TTC39A: variants seen among roughly 807,000 people sequenced by gnomAD.
TTC39A encodes tetratricopeptide repeat domain 39A.
In TTC39A, 46 loss-of-function variants were observed where a neutral mutation model predicts 82.3. That is an observed-to-expected ratio of 0.56 (90% CI 0.44 to 0.71). TTC39A has a LOEUF of 0.71. Ranked by LOEUF, TTC39A falls within the 30% of genes least tolerant of loss-of-function variation. The pLI is 0.00. For missense variants in TTC39A, 543 were observed against 712.9 expected, an observed-to-expected ratio of 0.76 and a Z score of 2.71; for synonymous variants, 254 against 275.2, an observed-to-expected ratio of 0.92 and a Z score of 0.76.
intron 2 of TTC39A, among the ~76,000 whole-genome samples, chr1:51,314,444 A>G (rs1365688878): frequency 6.6e-6 from 1 of 152,242 alleles, no homozygotes; most frequent in Non-Finnish European, 1.5e-5. Flanking sequence ...TTCAGAGGAA[A>G]GAGAGATGAC....
At chr1:51,340,612 G>T (rs904794393) in intron 1 of TTC39A, among the ~76,000 whole-genome samples, 1 of 152,170 alleles carries the variant, frequency 6.6e-6, no homozygotes, top group African/African-American at 2.4e-5. Flanking sequence ...AACAGTGATT[G>T]GTTGAAGGAA....
chr1:51,318,128 C>A (rs368170294), intron 2 of TTC39A, among the ~76,000 whole-genome samples: 1 of 152,204 alleles, frequency 6.6e-6, no homozygotes, highest in African/African-American at 2.4e-5. Flanking sequence ...TGAGGCATGG[C>A]CTTATCGGGG....
intron 1 of TTC39A, among the ~76,000 whole-genome samples, chr1:51,322,750 C>G (rs144723415): frequency 6.6e-6 from 1 of 152,134 alleles, no homozygotes; most frequent in Non-Finnish European, 1.5e-5. Flanking sequence ...TCTCAAGGGG[C>G]CTCCTTTGAG....
At chr1:51,299,425 G>A (rs1644567467) in intron 12 of TTC39A, 2 of 152,254 alleles carry the variant, frequency 1.3e-5, no homozygotes, top group Admixed American at 1.3e-4. Flanking sequence ...TCCTGGCAGA[G>A]GGGGGCGCTG....
chr1:51,312,975 C>A (rs1645141553), intron 2 of TTC39A, 32 bp from the exon 3 acceptor site: 1 of 1,601,164 alleles, frequency 6.2e-7, no homozygotes, highest in Non-Finnish European at 8.5e-7. Flanking sequence ...GAGAGCACCA[C>A]CTTATAGAGC....
chr1:51,305,193 C>A, intron 7 of TTC39A, 47 bp from the exon 8 acceptor site: 1 of 1,582,370 alleles, frequency 6.3e-7, no homozygotes, highest in Non-Finnish European at 8.7e-7. Flanking sequence ...CCAGAGTGGG[C>A]AGGGGCCACC....
intron 2 of TTC39A, among the ~76,000 whole-genome samples, chr1:51,316,194 G>A (rs1645276524): frequency 2.0e-5 from 3 of 152,238 alleles, no homozygotes; most frequent in Non-Finnish European, 2.9e-5. Context: ...GGGCCCAGGA[G>A]GGCGCTCAAA....
intron 11 of TTC39A, 112 bp downstream of exon 11, chr1:51,302,245 C>A (rs1385649222): frequency 1.3e-4 from 75 of 570,572 alleles, no homozygotes; most frequent in Non-Finnish European, 2.4e-4. Flanking sequence ...TCTTGGCCCC[C>A]CCCCCGCCCC....
At chr1:51,315,026 C>A (rs1645232658) in intron 2 of TTC39A, among the ~76,000 whole-genome samples, 1 of 152,072 alleles carries the variant, frequency 6.6e-6, no homozygotes, top group Non-Finnish European at 1.5e-5. Context: ...AGATAACACC[C>A]CCAGCCCCCA....
In TTC39A at chr1:51,294,553, C is replaced by T. The variant is rs189537751; in HGVS notation, c.1146-42G>A. On this transcript the variant is annotated intron_variant, in intron 13 of 17. Coordinates refer to ENST00000680483, the MANE Select transcript of TTC39A (RefSeq NM_001297663.2). This position sits in a 1 kb window ranked among gnomAD's most constrained non-coding sequence, Gnocchi z 4.3. Reference sequence around the variant, plus strand: ...GAGGGTGGGAGAGGATGAAAAAGAGCAGGAGAGGGCAGAGGGTCCCCAGCC... The same window carrying T: ...GAGGGTGGGAGAGGATGAAAAAGAGTAGGAGAGGGCAGAGGGTCCCCAGCC... The T allele has an allele frequency of 8.5e-4, 1,362 of 1,611,492 alleles. 13 individuals are homozygous for T. The highest frequency in any genetic ancestry group is 5.4e-3 in the South Asian group (491 of 90,752).
intron 7 of TTC39A, chr1:51,305,633 G>T: frequency 2.8e-6 from 1 of 361,394 alleles, no homozygotes; most frequent in South Asian, 3.2e-5. Context: ...CCCTGACACT[G>T]GTAAATGTTT....
rs756826568 is a variant in TTC39A at position 51,312,071 on chromosome 1, T to G, written c.355+48A>C. 1.9e-6 allele frequency: 3 copies of G among 1,576,566 alleles called. No homozygotes were observed. In the South Asian group the frequency reaches 3.5e-5, roughly 18 times the overall value. The stretch of plus-strand genomic sequence containing the variant: ...AACTGCCCCTTCCTGGGCCTGGAGC[T>G]GGCCACCTGGGCTTAGCATGGTTGA... On this transcript the variant is annotated intron_variant, in intron 4 of 17. Coordinates refer to ENST00000680483, the MANE Select transcript of TTC39A (RefSeq NM_001297663.2).
Position 51,301,571 on chromosome 1 carries a change from C to T in TTC39A, c.1053+1G>A. On this transcript the variant is annotated splice_donor_variant, in intron 12 of 17. Coordinates refer to ENST00000680483, the MANE Select transcript of TTC39A (RefSeq NM_001297663.2). LOFTEE classifies it high-confidence loss of function. Reference sequence around the variant, plus strand: ...GCCCCTAACACGTGGCATCAGCCCACCTTGGACCAGCAGTTCTCCTTGCTG... The same window carrying T: ...GCCCCTAACACGTGGCATCAGCCCATCTTGGACCAGCAGTTCTCCTTGCTG... 1 of 1,603,542 alleles carries T rather than the reference C, an allele frequency of 6.2e-7. No individual in the cohort carries two copies. Among genetic ancestry groups the T allele is most frequent in the Non-Finnish European group, 8.5e-7 (1 of 1,174,018 alleles).
At chr1:51,336,777 CG>C (rs1645979835) in intron 1 of TTC39A, among the ~76,000 whole-genome samples, 2 of 152,216 alleles carry the variant, frequency 1.3e-5, no homozygotes, top group South Asian at 4.1e-4. Context: ...ATTTCTGAAA[CG>C]GGGATGATGA....
At chr1:51,341,053 C>T (rs972946962) in intron 1 of TTC39A, among the ~76,000 whole-genome samples, 1 of 152,148 alleles carries the variant, frequency 6.6e-6, no homozygotes, top group African/African-American at 2.4e-5. Flanking sequence ...TGACTATAAT[C>T]CCAGCTACTC....
In TTC39A at chr1:51,287,301, G is replaced by A. The variant is rs1295416848; in HGVS notation, c.*856C>T. On this transcript the variant is annotated 3_prime_UTR_variant, in exon 18 of 18. Coordinates refer to ENST00000680483, the MANE Select transcript of TTC39A (RefSeq NM_001297663.2). ...ACAAAAATGCTGTCAGTAAGCAAAT[G>A]TACCTTGGAGTGAAGTACAGAAGAT... 2 of 152,180 alleles carry A rather than the reference G, an allele frequency of 1.3e-5. No individual in the cohort carries two copies. The highest frequency in any genetic ancestry group is 3.8e-4 in the East Asian group (2 of 5,204). The allele number at this position is 152,180 out of a possible 1,614,324, so 9.4% of individuals were successfully genotyped here.
rs376442713 is a variant in TTC39A at position 51,291,612 on chromosome 1, G to A, written c.1267-987C>T. Among the ~76,000 whole-genome samples, 187 of 104,652 alleles carry A rather than the reference G, an allele frequency of 1.8e-3. 1 individual carries two copies. Among genetic ancestry groups the A allele is most frequent in the Middle Eastern group, 0.01 (1 of 100 alleles). 68.7% of individuals were successfully genotyped at this position (104,652 alleles called of 152,430 possible). On this transcript the variant is annotated intron_variant, in intron 14 of 17. Coordinates refer to ENST00000680483, the MANE Select transcript of TTC39A (RefSeq NM_001297663.2). The stretch of plus-strand genomic sequence containing the variant: ...TCAAGACCAGCCTGGGCAACATGGC[G>A]AAACCCCATCTCCACCAAAAAAAAA...
intron 7 of TTC39A, 68 bp from the exon 8 acceptor site, chr1:51,305,214 C>A: frequency 1.3e-6 from 2 of 1,487,010 alleles, no homozygotes. Context: ...CCCACTGTCC[C>A]AAGTCTAGCT....
At chr1:51,339,869 G>A (rs1646014310) in intron 1 of TTC39A, among the ~76,000 whole-genome samples, 1 of 152,226 alleles carries the variant, frequency 6.6e-6, no homozygotes, top group Non-Finnish European at 1.5e-5. Context: ...GATTGCTATA[G>A]AGTGACAGTT....
Sources: gnomAD v4.1 joint callset for allele counts (sites outside exome capture counted in the v4.1 genomes callset) on GRCh38, gnomAD v4.1.1 for gene constraint, Gnocchi (gnomAD v3.1) non-coding constraint, MANE v1.5 for transcripts, NCBI Gene and HGNC (gene_info 2026-07-23, HGNC 2026-07-21) for gene names.